DLGAP1: variants seen among roughly 807,000 people sequenced by gnomAD.
DLGAP1 encodes the protein disks large-associated protein 1.
DLGAP1 carries 11 observed loss-of-function variants against 90.8 expected under a neutral mutation model. That is an observed-to-expected ratio of 0.12 (90% confidence interval 0.08 to 0.20). The LOEUF is 0.20. Ranked by LOEUF, DLGAP1 falls within the 10% of genes least tolerant of loss-of-function variation. The probability of loss-of-function intolerance (pLI) is 1.00; values close to 1 mark genes in which losing one functional copy is unlikely to be tolerated. For missense variants in DLGAP1, 1,050 were observed against 1,333.8 expected, an observed-to-expected ratio of 0.79 and a Z score of 3.31; for synonymous variants, 558 against 540.7, an observed-to-expected ratio of 1.03 and a Z score of -0.44.
At chr18:4,367,124 TA>T (rs1373682105) in intron 1 of DLGAP1, among the ~76,000 whole-genome samples, 2 of 149,466 alleles carry the variant, frequency 1.3e-5, no homozygotes, top group Non-Finnish European at 3.0e-5. Context: ...ACCTAAATTA[TA>T]AAGGACTGAC....
At chr18:4,402,399 G>T (rs2082574277) in intron 1 of DLGAP1, among the ~76,000 whole-genome samples, 1 of 152,068 alleles carries the variant, frequency 6.6e-6, no homozygotes, top group Admixed American at 6.6e-5. Flanking sequence ...TTAATGTTAG[G>T]AACTAAAATA....
chr18:4,369,836 A>AG (rs1331093013), intron 1 of DLGAP1, among the ~76,000 whole-genome samples: 2 of 146,360 alleles, frequency 1.4e-5, no homozygotes, highest in Non-Finnish European at 3.0e-5. Flanking sequence ...AAAAAAAAAA[A>AG]AAAGGCGGGG....
chr18:3,651,760 G>A (rs541957447), intron 7 of DLGAP1, among the ~76,000 whole-genome samples: 2 of 152,142 alleles, frequency 1.3e-5, no homozygotes, highest in Non-Finnish European at 2.9e-5. Flanking sequence ...ATCTCTTGAG[G>A]TCAGGAGTTC....
intron 2 of DLGAP1, among the ~76,000 whole-genome samples, chr18:4,132,289 C>A (rs1459786441): frequency 6.6e-6 from 1 of 152,268 alleles, no homozygotes; most frequent in East Asian, 1.9e-4. Flanking sequence ...TAAGCACTCA[C>A]ATTGTATAAT....
chr18:3,582,608 T>C (rs1304621649), intron 7 of DLGAP1, among the ~76,000 whole-genome samples: 1 of 152,158 alleles, frequency 6.6e-6, no homozygotes, highest in Non-Finnish European at 1.5e-5. Context: ...GGAGTTTCTG[T>C]CTTCAGGGAA....
chr18:3,515,724 A>C (rs1313664333), intron 10 of DLGAP1, among the ~76,000 whole-genome samples: 1 of 142,984 alleles, frequency 7.0e-6, no homozygotes, highest in Non-Finnish European at 1.5e-5. Context: ...GTCTGCAGTG[A>C]GCCGTGATTG....
At chr18:3,920,658 C>G (rs1356588072) in intron 3 of DLGAP1, among the ~76,000 whole-genome samples, 2 of 152,176 alleles carry the variant, frequency 1.3e-5, no homozygotes, top group Non-Finnish European at 2.9e-5. Context: ...GGGCGAAACT[C>G]TCTCTCTCCC....
rs373682564 is a variant in DLGAP1, at chr18:4,221,629, G to A, written c.-266-70342C>T. On this transcript the variant is annotated intron_variant, in intron 1 of 12. Coordinates refer to ENST00000315677, the MANE Select transcript of DLGAP1 (RefSeq NM_004746.4). ...TGGAAGATGCAGGACATCAGCAGACGTGAAGTTGACTGACAGTACACGGTA... is the reference window on the plus strand; with the variant it reads ...TGGAAGATGCAGGACATCAGCAGACATGAAGTTGACTGACAGTACACGGTA... Among the ~76,000 whole-genome samples, 30 of 152,236 alleles carry A rather than the reference G, an allele frequency of 2.0e-4. 1 individual carries two copies. The highest frequency in any genetic ancestry group is 6.5e-4 in the African/African-American group (27 of 41,568).
intron 1 of DLGAP1, among the ~76,000 whole-genome samples, chr18:4,404,069 T>C (rs186792487): frequency 6.6e-6 from 1 of 152,248 alleles, no homozygotes; most frequent in Admixed American, 6.5e-5. Flanking sequence ...AGATACCACA[T>C]GCCAGACACC....
intron 2 of DLGAP1, among the ~76,000 whole-genome samples, chr18:4,047,970 T>C (rs1483393506): frequency 6.6e-6 from 1 of 152,078 alleles, no homozygotes. Flanking sequence ...GAAGTTTTTC[T>C]TTATTTTTTG....
chr18:3,878,666 G>C (rs1235857827), intron 4 of DLGAP1, among the ~76,000 whole-genome samples: 1 of 152,092 alleles, frequency 6.6e-6, no homozygotes, highest in Non-Finnish European at 1.5e-5. Context: ...GCTTCAGGCA[G>C]GATTTCACAA....
chr18:4,307,049 A>C (rs2080279837), intron 1 of DLGAP1, among the ~76,000 whole-genome samples: 1 of 152,214 alleles, frequency 6.6e-6, no homozygotes, highest in Non-Finnish European at 1.5e-5. Flanking sequence ...TTTGGTGCTA[A>C]TAAATAAATC....
chr18:4,222,656 T>C (rs1008592813), intron 1 of DLGAP1, among the ~76,000 whole-genome samples: 1 of 152,080 alleles, frequency 6.6e-6, no homozygotes, highest in Non-Finnish European at 1.5e-5. Flanking sequence ...TTAAGGACTT[T>C]TTAATATAAA....
intron 5 of DLGAP1, among the ~76,000 whole-genome samples, chr18:3,813,418 T>C (rs2066939636): frequency 6.6e-6 from 1 of 152,198 alleles, no homozygotes; most frequent in Non-Finnish European, 1.5e-5. Context: ...CTATGATGTG[T>C]GCACAGTGAA....
At chr18:3,789,331 C>T (rs903830709) in intron 5 of DLGAP1, among the ~76,000 whole-genome samples, 5 of 152,174 alleles carry the variant, frequency 3.3e-5, no homozygotes, top group Non-Finnish European at 7.3e-5. Context: ...GCATGAAAAG[C>T]CCCCTTGTGA....
At chr18:3,640,722 T>C (rs552577578) in intron 7 of DLGAP1, among the ~76,000 whole-genome samples, 3 of 152,238 alleles carry the variant, frequency 2.0e-5, no homozygotes, top group Admixed American at 1.3e-4. Context: ...ACCCGGCAGT[T>C]TCCTGTGCTT....
At chr18:4,405,019 C>T (rs773984822) in intron 1 of DLGAP1, among the ~76,000 whole-genome samples, 9 of 151,982 alleles carry the variant, frequency 5.9e-5, no homozygotes, top group Non-Finnish European at 1.3e-4. Context: ...CTTCATTGTA[C>T]GGGGAAAGAA....
chr18:4,186,066 C>A, intron 1 of DLGAP1, among the ~76,000 whole-genome samples: 1 of 149,926 alleles, frequency 6.7e-6, no homozygotes, highest in East Asian at 2.1e-4. Flanking sequence ...GCTTATTGGC[C>A]TCATGTATGT....
chr18:3,521,421 G>GCTGA (rs1668717509), intron 10 of DLGAP1, among the ~76,000 whole-genome samples: 1 of 152,290 alleles, frequency 6.6e-6, no homozygotes, highest in East Asian at 1.9e-4. Context: ...GTTTCTCTCT[G>GCTGA]CTGACTCCTT....
Sources: allele counts gnomAD v4.1 joint callset (sites outside exome capture counted in the v4.1 genomes callset), GRCh38; gene constraint gnomAD v4.1.1; transcripts MANE v1.5; gene names NCBI Gene and HGNC (gene_info 2026-07-23, HGNC 2026-07-21).